The following ANKRD55 variants were observed in gnomAD, a reference collection of about 807,000 sequenced individuals.
ANKRD55 encodes ankyrin repeat domain-containing protein 55.
A neutral mutation model predicts 60.6 loss-of-function variants in ANKRD55; 41 were observed. That is an observed-to-expected ratio of 0.68 (90% confidence interval 0.53 to 0.88). ANKRD55 has a LOEUF of 0.88. Ranked by LOEUF, ANKRD55 falls within the 40% of genes least tolerant of loss-of-function variation. ANKRD55 has a pLI of 0.00. For missense variants in ANKRD55, 732 were observed against 767.6 expected (o/e 0.95, Z 0.55); for synonymous variants, 264 against 290.3 (o/e 0.91, Z 0.92).
intron 2 of ANKRD55, among the ~76,000 whole-genome samples, chr5:56,221,578 G>A (rs1759968174): frequency 6.6e-6 from 1 of 152,186 alleles, no homozygotes; most frequent in African/African-American, 2.4e-5. Flanking sequence ...CAAGGGGTGG[G>A]GGAATTCCCT....
intron 2 of ANKRD55, chr5:56,192,659 C>G: frequency 9.5e-7 from 1 of 1,049,778 alleles, no homozygotes; most frequent in Non-Finnish European, 1.5e-6. Flanking sequence ...GGGTGACACC[C>G]AGACTAATGT....
chr5:56,221,040 C>T (rs1759949223), intron 2 of ANKRD55, among the ~76,000 whole-genome samples: 1 of 152,076 alleles, frequency 6.6e-6, no homozygotes, highest in Admixed American at 6.5e-5. Flanking sequence ...TTATCTGGAC[C>T]TTCAATCTGA....
At chr5:56,101,141 G>C (rs1170240115) in intron 11 of ANKRD55, among the ~76,000 whole-genome samples, 1 of 152,180 alleles carries the variant, frequency 6.6e-6, no homozygotes, top group Non-Finnish European at 1.5e-5. Flanking sequence ...TTTACCTAAA[G>C]AGTTCTAGAG....
intron 3 of ANKRD55, among the ~76,000 whole-genome samples, chr5:56,177,603 C>T (rs1380838334): frequency 6.6e-6 from 1 of 151,864 alleles, no homozygotes; most frequent in Non-Finnish European, 1.5e-5. Context: ...ATGGTGAAAC[C>T]CTGTCTAAAA....
At chr5:56,191,055 T>G (rs1378381726) in intron 2 of ANKRD55, among the ~76,000 whole-genome samples, 1 of 152,238 alleles carries the variant, frequency 6.6e-6, no homozygotes, top group Non-Finnish European at 1.5e-5. Context: ...TTCAGTTCTA[T>G]TCTACTGATC....
At position 56,128,799 on chromosome 5, in the gene ANKRD55, C is replaced by T. The variant is rs114179648; in HGVS notation, c.613-1693G>A. Among the ~76,000 whole-genome samples, 572 of 152,256 alleles carry T rather than the reference C, an allele frequency of 3.8e-3. 6 individuals carry two copies. The highest frequency in any genetic ancestry group is 0.012 in the African/African-American group (515 of 41,548). ...GGATTAAGAAATTTGCCCTCTGTCA[C>T]GGCTGAGAATGAGCAGATCCAGGAT... On this transcript the variant is annotated intron_variant, in intron 7 of 11. Coordinates refer to ENST00000341048, the MANE Select transcript of ANKRD55 (RefSeq NM_024669.3).
intron 5 of ANKRD55, among the ~76,000 whole-genome samples, chr5:56,166,036 A>C (rs927014842): frequency 4.6e-5 from 7 of 152,158 alleles, no homozygotes; most frequent in Non-Finnish European, 8.8e-5. Flanking sequence ...AGTCTGACTC[A>C]TACTCATGAG....
At chr5:56,173,247 G>T (rs1758648202) in intron 4 of ANKRD55, among the ~76,000 whole-genome samples, 1 of 152,124 alleles carries the variant, frequency 6.6e-6, no homozygotes, top group African/African-American at 2.4e-5. Context: ...GCCCAGGCTG[G>T]AGTACAGTGG....
At chr5:56,117,209 G>A (rs1248724047) in intron 8 of ANKRD55, among the ~76,000 whole-genome samples, 1 of 152,156 alleles carries the variant, frequency 6.6e-6, no homozygotes, top group African/African-American at 2.4e-5. Flanking sequence ...GGCAAAATAT[G>A]CTTCACTGTC....
chr5:56,114,825 A>T (rs896655574), intron 9 of ANKRD55, among the ~76,000 whole-genome samples: 2 of 152,306 alleles, frequency 1.3e-5, no homozygotes, highest in South Asian at 2.1e-4. Context: ...GCCTATTGAG[A>T]TACACCTGCC....
chr5:56,139,830 G>T (rs1757707822), intron 7 of ANKRD55, among the ~76,000 whole-genome samples: 1 of 152,114 alleles, frequency 6.6e-6, no homozygotes, highest in African/African-American at 2.4e-5. Context: ...CCCGACACTT[G>T]GGAGGCCTGG....
At chr5:56,135,855 C>T (rs749160484) in intron 7 of ANKRD55, among the ~76,000 whole-genome samples, 1 of 152,018 alleles carries the variant, frequency 6.6e-6, no homozygotes, top group Non-Finnish European at 1.5e-5. Flanking sequence ...GCAATTATAG[C>T]AAGATTTCAG....
chr5:56,168,318 C>T (rs941046196), intron 5 of ANKRD55, among the ~76,000 whole-genome samples: 3 of 152,166 alleles, frequency 2.0e-5, no homozygotes, highest in African/African-American at 7.2e-5. Flanking sequence ...CAGAAATAAA[C>T]AATTCATGTT....
chr5:56,141,150 T>A (rs539155646), intron 7 of ANKRD55, among the ~76,000 whole-genome samples: 57 of 146,694 alleles, frequency 3.9e-4, no homozygotes, highest in African/African-American at 1.4e-3. Context: ...TTTTTTTTTT[T>A]ATATAGAGAT....
At chr5:56,166,430 T>A (rs1011302986) in intron 5 of ANKRD55, among the ~76,000 whole-genome samples, 29 of 151,736 alleles carry the variant, frequency 1.9e-4, no homozygotes, top group Non-Finnish European at 3.7e-4. Flanking sequence ...GCTACTTTTT[T>A]AAAAAAATCA....
At chr5:56,162,975 G>A (rs1758368853) in intron 5 of ANKRD55, among the ~76,000 whole-genome samples, 1 of 152,036 alleles carries the variant, frequency 6.6e-6, no homozygotes, top group Admixed American at 6.6e-5. Flanking sequence ...AGCCTTGTTG[G>A]TCAAGTTTAA....
chr5:56,187,913 C>T (rs554033567), intron 2 of ANKRD55, among the ~76,000 whole-genome samples: 1 of 152,192 alleles, frequency 6.6e-6, no homozygotes, highest in South Asian at 2.1e-4. Context: ...GAACAAGGAC[C>T]CCCGGTAACA....
Position 56,099,691 on chromosome 5 carries a change from A to C in ANKRD55, c.*492T>G, listed in dbSNP as rs1295509105. On this transcript the variant is annotated 3_prime_UTR_variant, in exon 12 of 12. Coordinates refer to ENST00000341048, the MANE Select transcript of ANKRD55 (RefSeq NM_024669.3). ...TAAAAGCCGTAAACTGTGACTGATC[A>C]TAGGAATTTATTTTTAAATAGGTTT... 1 of 153,614 alleles carries C rather than the reference A, an allele frequency of 6.5e-6. No individual in the cohort carries two copies. The highest frequency in any genetic ancestry group is 1.4e-5 in the Non-Finnish European group (1 of 69,048). The allele number at this position is 153,614 out of a possible 1,614,324, so 9.5% of individuals were successfully genotyped here.
Position 56,132,153 on chromosome 5 carries a change from T to C in ANKRD55, c.613-5047A>G, listed in dbSNP as rs1196662401. Reference sequence around the variant, plus strand: ...TATTCGCACTACCCATGAAGTGGTATAGTGTTATTTTGAAGTGGATTTCGA... The same window carrying C: ...TATTCGCACTACCCATGAAGTGGTACAGTGTTATTTTGAAGTGGATTTCGA... On this transcript the variant is annotated intron_variant, in intron 7 of 11. Transcript: ENST00000341048. 5.9e-5 allele frequency among the ~76,000 whole-genome samples: 9 copies of C among 152,108 alleles called. No individual in the cohort carries two copies. In the East Asian group the frequency reaches 9.6e-4, roughly 16 times the overall value.
Sources: allele counts gnomAD v4.1 joint callset (sites outside exome capture counted in the v4.1 genomes callset), GRCh38; gene constraint gnomAD v4.1.1; transcripts MANE v1.5; gene names NCBI Gene and HGNC (gene_info 2026-07-23, HGNC 2026-07-21).